The following GALNTL6 variants were observed in gnomAD, a reference collection of about 807,000 sequenced individuals.
GALNTL6 encodes polypeptide N-acetylgalactosaminyltransferase-like 6.
Under a neutral mutation model 73.7 loss-of-function variants are expected in GALNTL6, and 46 were observed. The observed-to-expected ratio is 0.62, with a 90% CI of 0.49 to 0.80. The LOEUF is 0.80. Among genes scored for constraint, GALNTL6 ranks in the 30% least tolerant of loss-of-function variants. The pLI, the probability that GALNTL6 is intolerant of heterozygous loss-of-function variation, is 0.00. For missense variants in GALNTL6, 604 were observed against 755.0 expected (o/e 0.80, Z 2.34); for synonymous variants, 259 against 263.7 (o/e 0.98, Z 0.17).
intron 7 of GALNTL6, among the ~76,000 whole-genome samples, chr4:172,851,323 G>T (rs1476173861): frequency 2.0e-5 from 3 of 151,876 alleles, no homozygotes; most frequent in Non-Finnish European, 2.9e-5. Context: ...GCACCCTTAT[G>T]GCTCAGGAAA....
intron 2 of GALNTL6, among the ~76,000 whole-genome samples, chr4:172,131,434 C>T (rs985998379): frequency 3.5e-5 from 5 of 141,528 alleles, no homozygotes; most frequent in South Asian, 2.1e-4. Flanking sequence ...TATATACACA[C>T]ACACACACGC....
chr4:172,641,687 A>C (rs1167703483), intron 5 of GALNTL6, among the ~76,000 whole-genome samples: 1 of 152,036 alleles, frequency 6.6e-6, no homozygotes, highest in Non-Finnish European at 1.5e-5. Context: ...TTCTTTATTC[A>C]TGACATTACT....
chr4:172,950,393 G>A (rs1391071252), intron 9 of GALNTL6, among the ~76,000 whole-genome samples: 1 of 152,160 alleles, frequency 6.6e-6, no homozygotes, highest in Admixed American at 6.5e-5. Context: ...AGAAAGAAAG[G>A]AACACAGAGG....
intron 2 of GALNTL6, among the ~76,000 whole-genome samples, chr4:171,933,716 T>A (rs1738257504): frequency 6.6e-6 from 1 of 151,976 alleles, no homozygotes; most frequent in African/African-American, 2.4e-5. Flanking sequence ...ATTTTACTAA[T>A]TTTTTTTCTC....
intron 4 of GALNTL6, among the ~76,000 whole-genome samples, chr4:172,336,737 A>T (rs1741340661): frequency 6.6e-6 from 1 of 152,020 alleles, no homozygotes; most frequent in Non-Finnish European, 1.5e-5. Context: ...TTGGTGGAGT[A>T]CTCTGGGGAT....
chr4:172,630,150 C>G (rs181957083), intron 5 of GALNTL6, among the ~76,000 whole-genome samples: 37 of 152,192 alleles, frequency 2.4e-4, no homozygotes, highest in African/African-American at 8.7e-4. Flanking sequence ...TTTTCTCAAG[C>G]CACTTTCATT....
chr4:172,390,422 G>A (rs1743622962), intron 5 of GALNTL6, among the ~76,000 whole-genome samples: 1 of 152,130 alleles, frequency 6.6e-6, no homozygotes, highest in Non-Finnish European at 1.5e-5. Context: ...ATATTAAATG[G>A]AAAATTTCAG....
At chr4:172,158,872 T>G (rs1272000702) in intron 2 of GALNTL6, among the ~76,000 whole-genome samples, 2 of 152,184 alleles carry the variant, frequency 1.3e-5, no homozygotes, top group South Asian at 2.1e-4. Context: ...CTATTAAAAA[T>G]TCTACAAATA....
intron 5 of GALNTL6, among the ~76,000 whole-genome samples, chr4:172,753,718 T>G (rs1737568042): frequency 1.3e-5 from 2 of 152,190 alleles, no homozygotes; most frequent in Admixed American, 1.3e-4. Context: ...ATATAATAAT[T>G]TGTCATCAAA....
At chr4:172,308,689 A>G (rs751985911) in intron 3 of GALNTL6, among the ~76,000 whole-genome samples, 12 of 152,170 alleles carry the variant, frequency 7.9e-5, no homozygotes, top group Admixed American at 2.6e-4. Flanking sequence ...ATGGAATGAC[A>G]TAGATCTAGT....
At chr4:172,279,543 A>G (rs538351011) in intron 3 of GALNTL6, among the ~76,000 whole-genome samples, 1 of 152,178 alleles carries the variant, frequency 6.6e-6, no homozygotes, top group African/African-American at 2.4e-5. Context: ...GATGTTTACT[A>G]TTAAAAAGTA....
At position 172,952,251 on chromosome 4, in the gene GALNTL6, G is replaced by T; in HGVS notation, c.1364G>T (p.Trp455Leu). The T allele has an allele frequency of 6.2e-7, 1 of 1,612,106 alleles. No individual in the cohort carries two copies. Among genetic ancestry groups the T allele is most frequent in the Non-Finnish European group, 8.5e-7 (1 of 1,178,454 alleles). ...CCAGTGGAGCCCCCGCCTGCTGCCT[G>T]GGGGGAGGTGAGGAAAGGTTGCCTG... is the stretch of plus-strand genomic sequence containing the variant. ...YPPVEPPPAA[W>L]GEIRNVAANL... is the part of the protein sequence containing the mutation. The change falls in exon 10 of 13, where the codon TGG becomes TTG. Residue 455 changes from tryptophan to leucine, a missense_variant. This residue lies in a region of GALNTL6 where 261 missense variants were observed against 296.5 expected (regional missense o/e 0.88). Transcript: ENST00000506823.
chr4:172,680,034 A>G (rs1172320983), intron 5 of GALNTL6, among the ~76,000 whole-genome samples: 1 of 152,124 alleles, frequency 6.6e-6, no homozygotes, highest in Non-Finnish European at 1.5e-5. Flanking sequence ...TTGGCTTTCT[A>G]ATAATCACAT....
chr4:171,924,625 G>C (rs1282076931), intron 2 of GALNTL6, among the ~76,000 whole-genome samples: 1 of 152,090 alleles, frequency 6.6e-6, no homozygotes, highest in Non-Finnish European at 1.5e-5. Flanking sequence ...ATTCATCTTT[G>C]AGCCACCAAA....
chr4:172,476,920 G>T (rs1733255301), intron 5 of GALNTL6, among the ~76,000 whole-genome samples: 1 of 131,286 alleles, frequency 7.6e-6, no homozygotes, highest in South Asian at 2.7e-4. Context: ...TGGCTTAAGA[G>T]ACTTTTTTTT....
At chr4:171,823,905 AT>A (rs1162359586) in intron 2 of GALNTL6, among the ~76,000 whole-genome samples, 2 of 150,842 alleles carry the variant, frequency 1.3e-5, no homozygotes, top group Non-Finnish European at 3.0e-5. Flanking sequence ...TTGCCAAAAA[AT>A]ATTAAGATAA....
At chr4:172,223,261 G>A (rs1199051740) in intron 2 of GALNTL6, among the ~76,000 whole-genome samples, 1 of 152,034 alleles carries the variant, frequency 6.6e-6, no homozygotes, top group Non-Finnish European at 1.5e-5. Context: ...TATTCAGAAT[G>A]TAAATAACAA....
At position 173,005,386 on chromosome 4, in the gene GALNTL6, G is replaced by A. The variant is rs367892659; in HGVS notation, c.1372-3792G>A. On this transcript the variant is annotated intron_variant, in intron 10 of 12. Transcript: ENST00000506823. Reference sequence around the variant, plus strand: ...AAAGGAATAAGGCCTGAAAATGATTGATTCTGCCATAGACATATTTAATAT... The same window carrying A: ...AAAGGAATAAGGCCTGAAAATGATTAATTCTGCCATAGACATATTTAATAT... 2.6e-5 allele frequency among the ~76,000 whole-genome samples: 4 copies of A among 152,102 alleles called. No individual in the cohort carries two copies. The East Asian group carries it at 5.8e-4, about 22-fold the overall frequency.
intron 5 of GALNTL6, among the ~76,000 whole-genome samples, chr4:172,534,509 G>A (rs1735276925): frequency 1.3e-5 from 2 of 152,060 alleles, no homozygotes; most frequent in Non-Finnish European, 1.5e-5. Flanking sequence ...TCTTTTTTCT[G>A]TAATGAATAT....
Sources: allele counts gnomAD v4.1 joint callset (sites outside exome capture counted in the v4.1 genomes callset), GRCh38; gene constraint gnomAD v4.1.1; regional missense constraint gnomAD v4.1.1; transcripts MANE v1.5; gene names NCBI Gene and HGNC (gene_info 2026-07-23, HGNC 2026-07-21).